TTC7B: variants seen among roughly 807,000 people sequenced by gnomAD.
TTC7B encodes tetratricopeptide repeat protein 7B.
A neutral mutation model predicts 106.8 loss-of-function variants in TTC7B; 28 were observed. The ratio of observed to expected loss-of-function variants is 0.26; its 90% CI spans 0.19 to 0.36. The LOEUF is 0.36. TTC7B is among the 10% of genes least tolerant of loss of function. The pLI is 1.00. For missense variants in TTC7B, 862 were observed against 1,076.4 expected (o/e 0.80, Z 2.79); for synonymous variants, 405 against 430.6 (o/e 0.94, Z 0.74).
rs753354242 is a variant in TTC7B, at chr14:90,658,261, A to C, written c.1236+43T>G. 14 of 1,523,960 alleles carry C rather than the reference A, an allele frequency of 9.2e-6. No homozygotes were observed. In the Middle Eastern group the frequency reaches 5.1e-4, roughly 56 times the overall value. 94.4% of individuals were successfully genotyped at this position (1,523,960 alleles called of 1,614,324 possible). ...CATGACATTCAACTCTTTGGCCTTA[A>C]TAGGAAAGGCATAAAAAACTGCCCA... On this transcript the variant is annotated intron_variant, in intron 10 of 19. Transcript: ENST00000328459.
intron 18 of TTC7B, among the ~76,000 whole-genome samples, chr14:90,586,150 C>T (rs901406298): frequency 1.4e-4 from 22 of 152,196 alleles, no homozygotes; most frequent in African/African-American, 3.9e-4. Flanking sequence ...CCCAGGTTCT[C>T]GCCTTCACCG....
At chr14:90,640,455 T>C (rs142381556) in intron 15 of TTC7B, among the ~76,000 whole-genome samples, 1 of 152,124 alleles carries the variant, frequency 6.6e-6, no homozygotes, top group African/African-American at 2.4e-5. Context: ...AGGAAATACA[T>C]ACACATGTTT....
At chr14:90,667,945 C>T (rs1886475244) in intron 9 of TTC7B, among the ~76,000 whole-genome samples, 1 of 152,144 alleles carries the variant, frequency 6.6e-6, no homozygotes, top group South Asian at 2.1e-4. Flanking sequence ...TGTCCTGTGG[C>T]ATGCTACTTT....
In TTC7B at chr14:90,661,517, C is replaced by T. The variant is rs545061355; in HGVS notation, c.1153-3130G>A. ...GCTAAGCAGTGAAAAGCTAGCAATACCTAGAAACTGACTTGGGGATGGGGA... is the reference window on the plus strand; with the variant it reads ...GCTAAGCAGTGAAAAGCTAGCAATATCTAGAAACTGACTTGGGGATGGGGA... On this transcript the variant is annotated intron_variant, in intron 9 of 19. Transcript: ENST00000328459. Among the ~76,000 whole-genome samples the T allele has an allele frequency of 2.6e-5, 4 of 152,084 alleles. No individual in the cohort carries two copies. The South Asian group carries it at 8.3e-4, about 32-fold the overall frequency.
At chr14:90,668,254 C>G (rs998390056) in intron 9 of TTC7B, among the ~76,000 whole-genome samples, 1 of 152,104 alleles carries the variant, frequency 6.6e-6, no homozygotes, top group Non-Finnish European at 1.5e-5. Flanking sequence ...AAAGAGGAAT[C>G]GAACAATATA....
chr14:90,676,009 T>C (rs1429434233), intron 9 of TTC7B: 1 of 152,400 alleles, frequency 6.6e-6, no homozygotes, highest in Non-Finnish European at 1.5e-5. Flanking sequence ...AGTGAGAAGA[T>C]GACAGTACCT....
chr14:90,691,852 AG>A (rs1436978646), intron 6 of TTC7B, among the ~76,000 whole-genome samples: 2 of 152,194 alleles, frequency 1.3e-5, no homozygotes, highest in Non-Finnish European at 2.9e-5. Flanking sequence ...TATATCCTTT[AG>A]GCAATCACTC....
chr14:90,811,501 AG>A (rs1318529907), intron 1 of TTC7B, among the ~76,000 whole-genome samples: 1 of 152,186 alleles, frequency 6.6e-6, no homozygotes, highest in Non-Finnish European at 1.5e-5. Context: ...TCTTCACAGG[AG>A]GGTGTGCATG....
chr14:90,609,707 G>A (rs1892798882), intron 17 of TTC7B, among the ~76,000 whole-genome samples: 1 of 152,214 alleles, frequency 6.6e-6, no homozygotes, highest in South Asian at 2.1e-4. Context: ...GGGTGGGGGA[G>A]AAGGAACAGG....
At chr14:90,713,065 A>G (rs1454329277) in intron 5 of TTC7B, among the ~76,000 whole-genome samples, 1 of 152,214 alleles carries the variant, frequency 6.6e-6, no homozygotes, top group East Asian at 1.9e-4. Flanking sequence ...CAACAATCCA[A>G]TTGAAAACAG....
intron 19 of TTC7B, among the ~76,000 whole-genome samples, chr14:90,544,462 G>T (rs1179722663): frequency 6.6e-6 from 1 of 152,150 alleles, no homozygotes; most frequent in Non-Finnish European, 1.5e-5. Context: ...TCCAGCTGCG[G>T]GTGGCAAATA....
At chr14:90,668,231 C>A (rs1595263764) in intron 9 of TTC7B, among the ~76,000 whole-genome samples, 2 of 152,208 alleles carry the variant, frequency 1.3e-5, no homozygotes, top group South Asian at 4.2e-4. Context: ...TAGATCAATC[C>A]TTTCTAATAA....
At chr14:90,627,590 G>C (rs547837797) in intron 15 of TTC7B, among the ~76,000 whole-genome samples, 1 of 152,328 alleles carries the variant, frequency 6.6e-6, no homozygotes, top group African/African-American at 2.4e-5. Flanking sequence ...TAGGGCCTGG[G>C]CCGTGGCCGT....
At chr14:90,796,999 C>T (rs918529076) in intron 1 of TTC7B, among the ~76,000 whole-genome samples, 4 of 151,338 alleles carry the variant, frequency 2.6e-5, no homozygotes, top group African/African-American at 9.7e-5. Context: ...GCGCGCACCA[C>T]CACACCAGGC....
At chr14:90,640,419 A>C (rs1434485275) in intron 15 of TTC7B, among the ~76,000 whole-genome samples, 1 of 152,226 alleles carries the variant, frequency 6.6e-6, no homozygotes, top group Non-Finnish European at 1.5e-5. Flanking sequence ...ATCATTGGCA[A>C]TATTACACGA....
chr14:90,632,074 AC>A (rs1369869028), intron 15 of TTC7B, among the ~76,000 whole-genome samples: 1 of 152,160 alleles, frequency 6.6e-6, no homozygotes, highest in Non-Finnish European at 1.5e-5. Flanking sequence ...CCAGGCTGCC[AC>A]CAACTCGCCT....
chr14:90,796,010 G>C (rs1488680194), intron 1 of TTC7B, among the ~76,000 whole-genome samples: 1 of 152,138 alleles, frequency 6.6e-6, no homozygotes, highest in Non-Finnish European at 1.5e-5. Flanking sequence ...TAAGGCCACA[G>C]AGCTGGTTCA....
intron 18 of TTC7B, among the ~76,000 whole-genome samples, chr14:90,584,061 C>G (rs1188992752): frequency 6.6e-6 from 1 of 152,200 alleles, no homozygotes; most frequent in Non-Finnish European, 1.5e-5. Flanking sequence ...TCGACCTCAT[C>G]TGCCCTGTCA....
chr14:90,762,255 A>T (rs566195872), intron 3 of TTC7B, among the ~76,000 whole-genome samples: 12 of 152,246 alleles, frequency 7.9e-5, no homozygotes, highest in Non-Finnish European at 1.6e-4. Context: ...GTGCTGCCTG[A>T]GGCAGAGAGA....
Sources: allele counts gnomAD v4.1 joint callset (sites outside exome capture counted in the v4.1 genomes callset), GRCh38; gene constraint gnomAD v4.1.1; transcripts MANE v1.5; gene names NCBI Gene and HGNC (gene_info 2026-07-23, HGNC 2026-07-21).